The following TBXAS1 variants were observed in gnomAD, a reference collection of about 807,000 sequenced individuals.
The protein encoded by TBXAS1 is thromboxane A synthase 1, also known as thromboxane-A synthase.
TBXAS1 carries 48 observed loss-of-function variants against 60.7 expected under a neutral mutation model. The ratio of observed to expected loss-of-function variants is 0.79; its 90% CI spans 0.63 to 1.01. The LOEUF is 1.01. Ranked by LOEUF, TBXAS1 falls within the 50% of genes least tolerant of loss-of-function variation. The pLI is 0.00. For missense variants in TBXAS1, 685 were observed against 686.3 expected, an observed-to-expected ratio of 1.00 and a Z score of 0.02; for synonymous variants, 287 against 269.7, an observed-to-expected ratio of 1.06 and a Z score of -0.63.
At chr7:139,836,288 A>T (rs1222485531) in intron 1 of TBXAS1, among the ~76,000 whole-genome samples, 1 of 152,158 alleles carries the variant, frequency 6.6e-6, no homozygotes, top group African/African-American at 2.4e-5. Flanking sequence ...AAATACCACC[A>T]TCATTCTTCA....
At chr7:139,803,768 G>T (rs1797776188) in intron 4 of TBXAS1, among the ~76,000 whole-genome samples, 1 of 152,210 alleles carries the variant, frequency 6.6e-6, no homozygotes, top group Non-Finnish European at 1.5e-5. Flanking sequence ...TTCAGAGGGT[G>T]CAAGTCCCAA....
chr7:139,950,658 T>TCCCTCACCCTCCATCTACGGGACC (rs1407416330), intron 5 of TBXAS1, among the ~76,000 whole-genome samples: 77 of 122,810 alleles, frequency 6.3e-4, no homozygotes, highest in South Asian at 2.7e-3. Flanking sequence ...TCTACAGGAC[T>TCCCTCACCCTCCATCTACGGGACC]CCCTCACCCT....
Position 139,955,651 on chromosome 7 carries a change from G to T in TBXAS1, c.688+44G>T, listed in dbSNP as rs771424725. 8 of 1,611,600 alleles carry T rather than the reference G, an allele frequency of 5.0e-6. No individual in the cohort carries two copies. In the Admixed American group the frequency reaches 1.2e-4, roughly 23 times the overall value. On this transcript the variant is annotated intron_variant, in intron 7 of 12. Transcript: ENST00000448866. ...CGGGGCGCTGCGATGACTCCAGCAA[G>T]TTGGGCAGACCCCATGACACCTGGG...
intron 1 of TBXAS1, among the ~76,000 whole-genome samples, chr7:139,864,625 CAAAG>C (rs1314384270): frequency 6.7e-6 from 1 of 150,152 alleles, no homozygotes; most frequent in African/African-American, 2.5e-5. Flanking sequence ...GAGAAAAAAA[CAAAG>C]AGTGTGATTT....
chr7:139,858,245 TC>T (rs1293504212), intron 1 of TBXAS1, among the ~76,000 whole-genome samples: 1 of 152,244 alleles, frequency 6.6e-6, no homozygotes, highest in Admixed American at 6.5e-5. Flanking sequence ...AACATGGCTC[TC>T]GTTTATTGTG....
chr7:139,831,931 C>CAAACAAAACAAAACA (rs200064741), intron 1 of TBXAS1, among the ~76,000 whole-genome samples: 1 of 151,938 alleles, frequency 6.6e-6, no homozygotes, highest in African/African-American at 2.4e-5. Flanking sequence ...GACTCTGTTT[C>CAAACAAAACAAAACA]AAACAAAACA....
intron 9 of TBXAS1, among the ~76,000 whole-genome samples, chr7:140,002,267 C>A (rs1284520066): frequency 6.6e-6 from 1 of 152,230 alleles, no homozygotes; most frequent in Admixed American, 6.5e-5. Context: ...CACCTGGTCC[C>A]GCACCTGACC....
chr7:139,893,253 A>G (rs1037861043), intron 3 of TBXAS1, among the ~76,000 whole-genome samples: 1 of 151,724 alleles, frequency 6.6e-6, no homozygotes. Flanking sequence ...CTAAGCCCAC[A>G]CATCATTTGG....
At chr7:139,912,390 G>A (rs1358545316) in intron 4 of TBXAS1, among the ~76,000 whole-genome samples, 4 of 152,174 alleles carry the variant, frequency 2.6e-5, no homozygotes, top group African/African-American at 9.7e-5. Flanking sequence ...AGTCTAAAGT[G>A]AATTAATAAA....
intron 9 of TBXAS1, among the ~76,000 whole-genome samples, chr7:139,993,391 A>T (rs572656341): frequency 6.6e-6 from 1 of 152,212 alleles, no homozygotes; most frequent in Non-Finnish European, 1.5e-5. Flanking sequence ...GGGCAAGCCT[A>T]CACTGCCCAA....
intron 4 of TBXAS1, among the ~76,000 whole-genome samples, chr7:139,810,479 T>C (rs768441430): frequency 8.5e-5 from 13 of 152,188 alleles, no homozygotes; most frequent in Non-Finnish European, 1.6e-4. Context: ...GCCATGGGGA[T>C]AGATGAATGG....
chr7:140,012,606 A>C (rs965297664), intron 10 of TBXAS1, among the ~76,000 whole-genome samples: 5 of 152,008 alleles, frequency 3.3e-5, no homozygotes, highest in Non-Finnish European at 7.4e-5. Context: ...CTACAGGCGC[A>C]CGACACCATG....
chr7:139,885,871 A>T (rs1296721386), intron 3 of TBXAS1, among the ~76,000 whole-genome samples: 2 of 152,232 alleles, frequency 1.3e-5, no homozygotes, highest in Non-Finnish European at 2.9e-5. Context: ...AACTCCAGAT[A>T]CTAGTGTGAA....
At position 139,807,453 on chromosome 7, in the gene TBXAS1, G is replaced by A. The variant is rs181475962; in HGVS notation, c.-80+20027G>A. 9.2e-5 allele frequency among the ~76,000 whole-genome samples: 14 copies of A among 151,834 alleles called. No homozygotes were observed. The South Asian group carries it at 2.3e-3, about 25-fold the overall frequency. On this transcript the variant is annotated intron_variant, in intron 4 of 16. Coordinates refer to the TBXAS1 transcript ENST00000336425. The stretch of plus-strand genomic sequence containing the variant: ...GGCTGGAGTGTAGTGGCGCAATCTC[G>A]GCTCACTGCAACCTCCGCCTCCCGG...
intron 4 of TBXAS1, among the ~76,000 whole-genome samples, chr7:139,809,361 T>TAGAC (rs920144813): frequency 1.4e-5 from 2 of 146,570 alleles, no homozygotes; most frequent in Non-Finnish European, 3.0e-5. Context: ...GATAGATAGA[T>TAGAC]AGATAGACAG....
chr7:139,953,116 T>C (rs1809544267), intron 5 of TBXAS1, among the ~76,000 whole-genome samples: 1 of 152,270 alleles, frequency 6.6e-6, no homozygotes, highest in Non-Finnish European at 1.5e-5. Flanking sequence ...CCGTATTCAC[T>C]GTAAATCTGT....
At chr7:139,843,312 C>CTACTT (rs1265668298) in intron 1 of TBXAS1, among the ~76,000 whole-genome samples, 2 of 146,866 alleles carry the variant, frequency 1.4e-5, no homozygotes, top group African/African-American at 2.6e-5. Context: ...TCGGCACTTA[C>CTACTT]TACTTTACTT....
chr7:139,959,837 G>A (rs2117365426), intron 8 of TBXAS1, among the ~76,000 whole-genome samples: 1 of 152,262 alleles, frequency 6.6e-6, no homozygotes, highest in Non-Finnish European at 1.5e-5. Flanking sequence ...GGGTGCTCTG[G>A]GGTCCTGTGC....
intron 9 of TBXAS1, among the ~76,000 whole-genome samples, chr7:140,000,828 A>G (rs1813622108): frequency 6.6e-6 from 1 of 152,236 alleles, no homozygotes; most frequent in African/African-American, 2.4e-5. Flanking sequence ...AGTTCAATAG[A>G]GAGAGCAGAG....
Sources: gnomAD v4.1 joint callset for allele counts (sites outside exome capture counted in the v4.1 genomes callset) on GRCh38, gnomAD v4.1.1 for gene constraint, MANE v1.5 for transcripts, NCBI Gene and HGNC (gene_info 2026-07-23, HGNC 2026-07-21) for gene names.